Variants in MSI2 observed in about 807,000 individuals in gnomAD.
The protein encoded by MSI2 is musashi RNA binding protein 2, also known as RNA-binding protein Musashi homolog 2.
MSI2 carries 17 observed loss-of-function variants against 45.6 expected under a neutral mutation model. The observed-to-expected ratio is 0.37, with a 90% confidence interval of 0.26 to 0.56. The LOEUF (loss-of-function observed/expected upper bound fraction) is 0.56. Among genes scored for constraint, MSI2 ranks in the 20% least tolerant of loss-of-function variants. The pLI is 0.77. For missense variants in MSI2, 293 were observed against 444.2 expected (o/e 0.66, Z 3.06); for synonymous variants, 156 against 158.2 (o/e 0.99, Z 0.11).
intron 6 of MSI2, among the ~76,000 whole-genome samples, chr17:57,473,353 T>C (rs1300345913): frequency 6.6e-6 from 1 of 152,192 alleles, no homozygotes; most frequent in Non-Finnish European, 1.5e-5. Flanking sequence ...CACGGATGTA[T>C]ATATAACTCA....
chr17:57,617,121 C>T (rs928263240), intron 9 of MSI2, among the ~76,000 whole-genome samples: 1 of 152,160 alleles, frequency 6.6e-6, no homozygotes, highest in Non-Finnish European at 1.5e-5. Flanking sequence ...AGAATTGTAT[C>T]TACTTGTCTG....
chr17:57,360,051 G>A (rs1180243025), intron 5 of MSI2, among the ~76,000 whole-genome samples: 3 of 152,226 alleles, frequency 2.0e-5, no homozygotes, highest in Non-Finnish European at 2.9e-5. Flanking sequence ...AGAAAGCTCC[G>A]TGCCTTCACG....
chr17:57,647,413 C>T (rs1910759263), intron 10 of MSI2, among the ~76,000 whole-genome samples: 2 of 148,900 alleles, frequency 1.3e-5, no homozygotes, highest in South Asian at 2.1e-4. Context: ...TGCACCACTG[C>T]ACTCCAGCCT....
intron 7 of MSI2, among the ~76,000 whole-genome samples, chr17:57,533,404 C>T (rs2086860897): frequency 6.6e-6 from 1 of 152,252 alleles, no homozygotes; most frequent in African/African-American, 2.4e-5. Context: ...CTTCCTCCAG[C>T]TTCTGCTGCT....
chr17:57,578,767 A>G (rs143775822), intron 7 of MSI2, among the ~76,000 whole-genome samples: 1 of 152,224 alleles, frequency 6.6e-6, no homozygotes, highest in East Asian at 1.9e-4. Context: ...TCTTTTCAAT[A>G]TCAAGTTTCA....
rs2086774483 is a variant in MSI2 at position 57,529,435 on chromosome 17, C to CA, written c.406-235dup. Among the ~76,000 whole-genome samples, 1 of 151,766 alleles carries CA rather than the reference C, an allele frequency of 6.6e-6. No homozygotes were observed. The highest frequency in any genetic ancestry group is 6.6e-5 in the Admixed American group (1 of 15,252). On this transcript the variant is annotated intron_variant, in intron 6 of 13. Coordinates refer to ENST00000284073, the MANE Select transcript of MSI2 (RefSeq NM_138962.4). This position sits in a 1 kb window ranked among gnomAD's most constrained non-coding sequence, Gnocchi z 5.3. Reference sequence around the variant, plus strand: ...TGGGTGACAGAGTGAGACCCTGTCTCAAAAAATAAAAAGCAGACACTAAAG... The same window carrying CA: ...TGGGTGACAGAGTGAGACCCTGTCTCAAAAAAATAAAAAGCAGACACTAAAG...
intron 6 of MSI2, among the ~76,000 whole-genome samples, chr17:57,486,619 G>T (rs2085759353): frequency 6.6e-6 from 1 of 152,162 alleles, no homozygotes; most frequent in Non-Finnish European, 1.5e-5. Context: ...ATTCACTGGT[G>T]GTCAGGCTTC....
chr17:57,587,449 G>C (rs1904402929), intron 7 of MSI2, among the ~76,000 whole-genome samples: 2 of 152,128 alleles, frequency 1.3e-5, no homozygotes, highest in African/African-American at 4.8e-5. Flanking sequence ...TATTAATTTA[G>C]GGAATGCAGT....
In MSI2 at chr17:57,402,925, A is replaced by G. The variant is rs369832835; in HGVS notation, c.405+1454A>G. 7.2e-4 allele frequency among the ~76,000 whole-genome samples: 109 copies of G among 152,218 alleles called. No individual in the cohort carries two copies. The South Asian group carries it at 0.022, about 30-fold the overall frequency. On this transcript the variant is annotated intron_variant, in intron 6 of 13. Transcript: ENST00000284073. ...ACGTTATAGCACTTCTCTCTTCCAG[A>G]CTGATGTAAAGCAGTAAGGGGGATT...
At chr17:57,639,615 A>G (rs1910096841) in intron 10 of MSI2, among the ~76,000 whole-genome samples, 1 of 152,244 alleles carries the variant, frequency 6.6e-6, no homozygotes, top group African/African-American at 2.4e-5. Context: ...GAGGTGGGAA[A>G]GGGAGAGGCA....
At chr17:57,292,123 G>A (rs1409234311) in intron 5 of MSI2, among the ~76,000 whole-genome samples, 4 of 152,104 alleles carry the variant, frequency 2.6e-5, no homozygotes, top group Admixed American at 2.6e-4. Context: ...AGAAGGTCCA[G>A]TGGATTGGGG....
intron 11 of MSI2, among the ~76,000 whole-genome samples, chr17:57,660,227 G>A (rs1911891876): frequency 6.6e-6 from 1 of 152,086 alleles, no homozygotes; most frequent in Non-Finnish European, 1.5e-5. Flanking sequence ...GCAGTTTCTG[G>A]CATCATACCG....
At chr17:57,509,586 A>G (rs1482130869) in intron 6 of MSI2, among the ~76,000 whole-genome samples, 1 of 151,926 alleles carries the variant, frequency 6.6e-6, no homozygotes, top group Non-Finnish European at 1.5e-5. Context: ...ATGCCCGGCT[A>G]ATTTTTGTAT....
chr17:57,583,488 CTTTTTT>C (rs5821192), intron 7 of MSI2, among the ~76,000 whole-genome samples: 3 of 98,040 alleles, frequency 3.1e-5, no homozygotes, highest in Non-Finnish European at 4.2e-5. Flanking sequence ...CCCAATGTTT[CTTTTTT>C]TTTTTTTTTT....
At chr17:57,578,087 G>A (rs2088098786) in intron 7 of MSI2, among the ~76,000 whole-genome samples, 2 of 152,164 alleles carry the variant, frequency 1.3e-5, no homozygotes, top group Non-Finnish European at 2.9e-5. Flanking sequence ...TGAGCTGTGG[G>A]CCGTTCTTCT....
chr17:57,625,246 A>C (rs1286561565), intron 9 of MSI2, among the ~76,000 whole-genome samples: 2 of 152,218 alleles, frequency 1.3e-5, no homozygotes, highest in Non-Finnish European at 1.5e-5. Context: ...GGCCAGAGGC[A>C]GGACTGGAAC....
At chr17:57,286,662 G>A (rs1294914802) in intron 5 of MSI2, among the ~76,000 whole-genome samples, 7 of 151,992 alleles carry the variant, frequency 4.6e-5, no homozygotes, top group South Asian at 2.1e-4. Flanking sequence ...GCCTAAAACC[G>A]AAGGCCCCAA....
At chr17:57,266,705 G>C (rs570956406) in intron 5 of MSI2, 1 of 152,236 alleles carries the variant, frequency 6.6e-6, no homozygotes, top group African/African-American at 2.4e-5. Context: ...ATGGTGAAAT[G>C]ACTGAAGGAA....
At chr17:57,653,003 T>C (rs1465893418) in intron 11 of MSI2, among the ~76,000 whole-genome samples, 2 of 151,246 alleles carry the variant, frequency 1.3e-5, no homozygotes, top group South Asian at 2.1e-4. Flanking sequence ...TGAGTGGTCA[T>C]GGTTTGCAGC....
Sources: gnomAD v4.1 joint callset for allele counts (sites outside exome capture counted in the v4.1 genomes callset) on GRCh38, gnomAD v4.1.1 for gene constraint, Gnocchi (gnomAD v3.1) non-coding constraint, MANE v1.5 for transcripts, NCBI Gene and HGNC (gene_info 2026-07-23, HGNC 2026-07-21) for gene names.